SGIP1: variants seen among roughly 807,000 people sequenced by gnomAD.
The protein encoded by SGIP1 is SH3-containing GRB2-like protein 3-interacting protein 1.
Under a neutral mutation model 107.5 loss-of-function variants are expected in SGIP1, and 38 were observed. The ratio of observed to expected loss-of-function variants is 0.35; its 90% CI spans 0.27 to 0.46. SGIP1 has a LOEUF of 0.46. Among genes scored for constraint, SGIP1 ranks in the 20% least tolerant of loss-of-function variants. The pLI is 1.00. For synonymous variants in SGIP1, 365 were observed against 366.1 expected (o/e 1.00, Z 0.03); for missense variants, 929 against 1,019.5 (o/e 0.91, Z 1.21).
chr1:66,538,314 T>C (rs1202744718), intron 1 of SGIP1, among the ~76,000 whole-genome samples: 1 of 152,182 alleles, frequency 6.6e-6, no homozygotes, highest in Non-Finnish European at 1.5e-5. Flanking sequence ...TTCTCTTCTT[T>C]AAATGATGAA....
chr1:66,578,844 T>C (rs905797255), intron 1 of SGIP1, among the ~76,000 whole-genome samples: 1 of 152,166 alleles, frequency 6.6e-6, no homozygotes, highest in African/African-American at 2.4e-5. Context: ...ACTAATTTTG[T>C]ATTTTTAGTA....
At chr1:66,705,171 A>G (rs2092378389) in intron 18 of SGIP1, among the ~76,000 whole-genome samples, 1 of 152,188 alleles carries the variant, frequency 6.6e-6, no homozygotes, top group Admixed American at 6.5e-5. Context: ...AAAAAATTTC[A>G]TGGACTTTGT....
chr1:66,717,228 C>T (rs559872810), intron 18 of SGIP1, among the ~76,000 whole-genome samples: 27 of 152,268 alleles, frequency 1.8e-4, no homozygotes, highest in African/African-American at 5.5e-4. Context: ...AACAGTCCAG[C>T]CCTCTTACCA....
intron 1 of SGIP1, among the ~76,000 whole-genome samples, chr1:66,534,850 G>A (rs1341440127): frequency 6.6e-6 from 1 of 152,154 alleles, no homozygotes; most frequent in Non-Finnish European, 1.5e-5. Flanking sequence ...TTTTATCTCT[G>A]CAGTTTACAT....
At chr1:66,597,189 T>C (rs1424076079) in intron 1 of SGIP1, among the ~76,000 whole-genome samples, 1 of 152,202 alleles carries the variant, frequency 6.6e-6, no homozygotes, top group Non-Finnish European at 1.5e-5. Context: ...TAGTTACTTT[T>C]TCTGCTTCTC....
chr1:66,694,664 G>A, intron 17 of SGIP1: 1 of 463,972 alleles, frequency 2.2e-6, no homozygotes, highest in Non-Finnish European at 3.6e-6. Context: ...TGGAACTCGT[G>A]CCACTGAAAA....
intron 1 of SGIP1, among the ~76,000 whole-genome samples, chr1:66,538,346 A>C (rs2054109235): frequency 6.6e-6 from 1 of 152,198 alleles, no homozygotes; most frequent in Non-Finnish European, 1.5e-5. Context: ...AAATCTAAAC[A>C]TGCAGATAGA....
Position 66,732,163 on chromosome 1 carries a change from C to A in SGIP1, c.1899-1585C>A, listed in dbSNP as rs571026789. 3.3e-4 allele frequency among the ~76,000 whole-genome samples: 50 copies of A among 152,136 alleles called. 1 individual carries two copies. The highest frequency in any genetic ancestry group is 4.4e-5 in the Non-Finnish European group (3 of 68,020). On this transcript the variant is annotated intron_variant, in intron 20 of 24. Coordinates refer to ENST00000371037, the MANE Select transcript of SGIP1 (RefSeq NM_032291.4). ...CCCAGTTATTCAAATCTACTTAGTA[C>A]AAATTAATGACATGTTGCTAGATAT...
chr1:66,565,949 C>T (rs2059578810), intron 1 of SGIP1, among the ~76,000 whole-genome samples: 1 of 151,758 alleles, frequency 6.6e-6, no homozygotes, highest in Admixed American at 6.6e-5. Context: ...AAATTGTAAG[C>T]AGTCATCTCA....
intron 13 of SGIP1, 138 bp from the exon 14 acceptor site, chr1:66,679,540 A>G (rs532354968): frequency 5.6e-6 from 5 of 888,526 alleles, no homozygotes; most frequent in Admixed American, 6.1e-5. Context: ...TTGAACTTCA[A>G]AGAAGTAGAC....
At chr1:66,637,114 T>C (rs569290945) in intron 4 of SGIP1, among the ~76,000 whole-genome samples, 14 of 152,326 alleles carry the variant, frequency 9.2e-5, no homozygotes, top group South Asian at 2.1e-4. Context: ...TGTTTATATG[T>C]TGGTGCCTAA....
chr1:66,635,498 C>G (rs1558152909), intron 3 of SGIP1, among the ~76,000 whole-genome samples: 1 of 152,214 alleles, frequency 6.6e-6, no homozygotes, highest in Non-Finnish European at 1.5e-5. Flanking sequence ...TTGGAGCTAT[C>G]AGCTGTGTGT....
intron 2 of SGIP1, among the ~76,000 whole-genome samples, chr1:66,631,212 A>G (rs1468715398): frequency 6.6e-6 from 1 of 152,168 alleles, no homozygotes; most frequent in African/African-American, 2.4e-5. Context: ...TACTATGACC[A>G]TGATAACCCA....
chr1:66,728,721 G>A (rs1481218493), intron 19 of SGIP1, among the ~76,000 whole-genome samples: 1 of 152,100 alleles, frequency 6.6e-6, no homozygotes, highest in Non-Finnish European at 1.5e-5. Context: ...ATCAATGATA[G>A]ACTAGATAAA....
intron 1 of SGIP1, among the ~76,000 whole-genome samples, chr1:66,543,363 G>C (rs2055491308): frequency 6.6e-6 from 1 of 152,144 alleles, no homozygotes; most frequent in South Asian, 2.1e-4. Context: ...ACATGATAAT[G>C]TGTGCCATCA....
chr1:66,694,162 A>C (rs1456973315), intron 17 of SGIP1, among the ~76,000 whole-genome samples: 1 of 151,670 alleles, frequency 6.6e-6, no homozygotes, highest in African/African-American at 2.4e-5. Flanking sequence ...AAGGTGGGGC[A>C]TGACTTCTTC....
chr1:66,613,113 G>A (rs984138594), intron 1 of SGIP1, among the ~76,000 whole-genome samples: 1 of 152,048 alleles, frequency 6.6e-6, no homozygotes, highest in African/African-American at 2.4e-5. Flanking sequence ...ATATAATTTT[G>A]TCTTTTGGTG....
chr1:66,653,214 T>G (rs2079088317), intron 7 of SGIP1, among the ~76,000 whole-genome samples: 1 of 152,166 alleles, frequency 6.6e-6, no homozygotes, highest in African/African-American at 2.4e-5. Flanking sequence ...TCAAAATATA[T>G]TTTTTTCTTC....
At chr1:66,593,558 A>G (rs2064048035) in intron 1 of SGIP1, among the ~76,000 whole-genome samples, 4 of 152,208 alleles carry the variant, frequency 2.6e-5, no homozygotes, top group Admixed American at 2.6e-4. Flanking sequence ...TTTAGAAAAC[A>G]TGGAATACTG....
Sources: gnomAD v4.1 joint callset for allele counts (sites outside exome capture counted in the v4.1 genomes callset) on GRCh38, gnomAD v4.1.1 for gene constraint, MANE v1.5 for transcripts, NCBI Gene and HGNC (gene_info 2026-07-23, HGNC 2026-07-21) for gene names.